Variants in ATP6V0A4 observed in about 807,000 individuals in gnomAD.
ATP6V0A4 encodes V-type proton ATPase 116 kDa subunit a 4.
In ATP6V0A4, 86 loss-of-function variants were observed where a neutral mutation model predicts 107.3. The observed-to-expected ratio is 0.80, with a 90% confidence interval of 0.67 to 0.96. The LOEUF is 0.96. Ranked by LOEUF, ATP6V0A4 falls within the 40% of genes least tolerant of loss-of-function variation. The pLI, the probability that ATP6V0A4 is intolerant of heterozygous loss-of-function variation, is 0.00. For synonymous variants in ATP6V0A4, 353 were observed against 381.4 expected (o/e 0.93, Z 0.87); for missense variants, 908 against 1,045.6 (o/e 0.87, Z 1.81).
Position 138,762,581 on chromosome 7 carries a change from C to A in ATP6V0A4, c.418-147G>T, listed in dbSNP as rs1806878658. On this transcript the variant is annotated intron_variant, in intron 6 of 21. Transcript: ENST00000310018. ...AGTCAGAAAACAGAGTGCTCCTGGC[C>A]AGATCAAAAAGCTTCCCTGGTCTTT... The A allele has an allele frequency of 7.0e-6, 10 of 1,430,280 alleles. No individual in the cohort carries two copies. The South Asian group carries it at 1.3e-4, about 19-fold the overall frequency. 88.6% of individuals were successfully genotyped at this position (1,430,280 alleles called of 1,614,324 possible). A position where few individuals can be genotyped will look rare whatever the true frequency, so the allele number is the denominator to read the frequency against.
intron 14 of ATP6V0A4, among the ~76,000 whole-genome samples, chr7:138,742,251 A>C (rs1037183420): frequency 5.3e-5 from 8 of 151,790 alleles, no homozygotes; most frequent in Admixed American, 5.3e-4. Context: ...ACATGGTGAA[A>C]CCCCGTCTCT....
At chr7:138,722,927 A>G (rs1166112930) in intron 18 of ATP6V0A4, among the ~76,000 whole-genome samples, 1 of 142,850 alleles carries the variant, frequency 7.0e-6, no homozygotes, top group African/African-American at 2.6e-5. Context: ...GCATGGTAGC[A>G]CATGCCTGTA....
chr7:138,767,749 C>T (rs1436123978), intron 5 of ATP6V0A4, among the ~76,000 whole-genome samples: 1 of 151,962 alleles, frequency 6.6e-6, no homozygotes, highest in Non-Finnish European at 1.5e-5. Context: ...GATAAAATAC[C>T]TGCTTTTTCA....
At chr7:138,717,006 G>A (rs999683805) in intron 19 of ATP6V0A4, among the ~76,000 whole-genome samples, 32 of 152,170 alleles carry the variant, frequency 2.1e-4, no homozygotes, top group Non-Finnish European at 1.3e-4. Context: ...CACAGAGAAG[G>A]CCCCTTACCC....
rs1807250552 is a variant in ATP6V0A4 at position 138,769,245 on chromosome 7, T to C, written c.124A>G (p.Met42Val). The C allele has an allele frequency of 6.2e-7, 1 of 1,612,102 alleles. No individual in the cohort carries two copies. Among genetic ancestry groups the C allele is most frequent in the Non-Finnish European group, 8.5e-7 (1 of 1,179,888 alleles). Residue 42 changes from methionine to valine, a missense_variant, in exon 4 of 22, where the codon ATG becomes GTG. Transcript: ENST00000310018. ...LGLVQFKDLNMNVNSFQRKFV... is the reference protein window; with the variant it reads ...LGLVQFKDLNVNVNSFQRKFV... ...TTCCTTTGAAAGCTGTTCACATTCA[T>C]ATTTAACTATGGGGGCGAAAATCAC... is the stretch of plus-strand genomic sequence containing the variant.
chr7:138,749,349 A>C, intron 11 of ATP6V0A4, 32 bp from the exon 12 acceptor site: 1 of 1,605,954 alleles, frequency 6.2e-7, no homozygotes, highest in Non-Finnish European at 8.5e-7. Flanking sequence ...ACAAAGATGT[A>C]AGGAGAAGAG....
At chr7:138,756,834 T>C (rs1223757292) in intron 8 of ATP6V0A4, among the ~76,000 whole-genome samples, 1 of 152,104 alleles carries the variant, frequency 6.6e-6, no homozygotes. Flanking sequence ...AGAGATATGA[T>C]AATAAACAAG....
rs1408684681 is a variant in ATP6V0A4 at position 138,752,647 on chromosome 7, T to C, written c.1007A>G (p.Lys336Arg). 1.2e-6 allele frequency: 2 copies of C among 1,613,720 alleles called. No individual in the cohort carries two copies. The highest frequency in any genetic ancestry group is 8.5e-7 in the Non-Finnish European group (1 of 1,179,870). The change falls in exon 11 of 22, where the codon AAG becomes AGG. Residue 336 changes from lysine to arginine, a missense_variant. Lys to Arg is a conservative substitution (Grantham distance 26). Transcript: ENST00000310018. ...WFPVADATRI[K>R]RALEQGMELS... The stretch of plus-strand genomic sequence containing the variant: ...CACCATGCCTTGCTCCAGTGCCCTC[T>C]TGATACGTGTGGCATCTGCCACCGG...
At chr7:138,734,106 A>T (rs1805177851) in intron 16 of ATP6V0A4, 30 bp downstream of exon 16, 2 of 1,584,958 alleles carry the variant, frequency 1.3e-6, no homozygotes, top group Non-Finnish European at 1.7e-6. Flanking sequence ...GATCAGACAG[A>T]GCAGGCAGAG....
At chr7:138,763,582 C>T (rs1053748004) in intron 5 of ATP6V0A4, among the ~76,000 whole-genome samples, 4 of 152,174 alleles carry the variant, frequency 2.6e-5, no homozygotes, top group Middle Eastern at 3.4e-3. Context: ...GAGCCGAGAT[C>T]GTGCCACTGC....
chr7:138,730,183 C>T lies in ATP6V0A4; in HGVS notation c.1909-1321G>A, dbSNP rs111426086. 4.4e-3 allele frequency among the ~76,000 whole-genome samples: 667 copies of T among 152,316 alleles called. 5 individuals carry two copies. Among genetic ancestry groups the T allele is most frequent in the African/African-American group, 0.015 (637 of 41,562 alleles). On this transcript the variant is annotated intron_variant, in intron 17 of 21. Coordinates refer to ENST00000310018, the MANE Select transcript of ATP6V0A4 (RefSeq NM_020632.3). ...ACAGGCATGAGCCGCCGCGCCTGGC[C>T]TCACTCTACTTTTAAATGTCCAAAA...
At chr7:138,712,968 T>C (rs1803822749) in intron 20 of ATP6V0A4, among the ~76,000 whole-genome samples, 1 of 152,038 alleles carries the variant, frequency 6.6e-6, no homozygotes, top group African/African-American at 2.4e-5. Flanking sequence ...GGACAGCCAC[T>C]TCACATGAAT....
At chr7:138,797,911 G>C in intron 1 of ATP6V0A4, 123 bp downstream of exon 1, 1 of 1,394,892 alleles carries the variant, frequency 7.2e-7, no homozygotes, top group Non-Finnish European at 9.8e-7. Context: ...CTAGAGAGGT[G>C]AGAGAAGGTG....
intron 20 of ATP6V0A4, among the ~76,000 whole-genome samples, chr7:138,710,192 AT>A (rs56391137): frequency 2.4e-3 from 328 of 135,206 alleles, no homozygotes; most frequent in South Asian, 4.5e-3. Flanking sequence ...CTGTCTGTTA[AT>A]TTTTTTTTTT....
intron 13 of ATP6V0A4, among the ~76,000 whole-genome samples, chr7:138,745,962 A>AATATATATATATATATAT (rs1554396064): frequency 1.5e-5 from 1 of 65,636 alleles, no homozygotes; most frequent in African/African-American, 6.7e-5. Context: ...AAAAAAAAAA[A>AATATATATATATATATAT]ATATATATAT....
chr7:138,771,885 T>G (rs2117339797), intron 2 of ATP6V0A4, among the ~76,000 whole-genome samples: 1 of 81,888 alleles, frequency 1.2e-5, no homozygotes, highest in South Asian at 4.8e-4. Flanking sequence ...TCTCTCAAAG[T>G]GCTGGGATTA....
At chr7:138,746,735 C>T (rs1303656861) in intron 13 of ATP6V0A4, among the ~76,000 whole-genome samples, 1 of 152,166 alleles carries the variant, frequency 6.6e-6, no homozygotes, top group Non-Finnish European at 1.5e-5. Context: ...AACCCCTGAT[C>T]TCAAATGACC....
intron 18 of ATP6V0A4, among the ~76,000 whole-genome samples, chr7:138,725,639 A>C (rs1465570802): frequency 6.6e-6 from 1 of 151,842 alleles, no homozygotes; most frequent in East Asian, 1.9e-4. Flanking sequence ...CAGCCTTCCG[A>C]GTAGCTGGGA....
At chr7:138,739,489 T>C in intron 15 of ATP6V0A4, 51 bp downstream of exon 15, 1 of 1,599,872 alleles carries the variant, frequency 6.3e-7, no homozygotes, top group Non-Finnish European at 8.6e-7. Context: ...TCCAGAGGTC[T>C]CCTCAAGATA....
Sources: gnomAD v4.1 joint callset for allele counts (sites outside exome capture counted in the v4.1 genomes callset) on GRCh38, gnomAD v4.1.1 for gene constraint, MANE v1.5 for transcripts, NCBI Gene and HGNC (gene_info 2026-07-23, HGNC 2026-07-21) for gene names.